The following DRC1 variants were observed in gnomAD, a reference collection of about 807,000 sequenced individuals.
The protein encoded by DRC1 is dynein regulatory complex subunit 1.
In DRC1, 74 loss-of-function variants were observed where a neutral mutation model predicts 98.7. The observed-to-expected ratio is 0.75, with a 90% CI of 0.62 to 0.91. The LOEUF (loss-of-function observed/expected upper bound fraction) is 0.91, where lower values mean the gene tolerates loss of function less well. Among genes scored for constraint, DRC1 ranks in the 40% least tolerant of loss-of-function variants. The pLI, the probability that DRC1 is intolerant of heterozygous loss-of-function variation, is 0.00. For synonymous variants in DRC1, 336 were observed against 334.1 expected (o/e 1.01, Z -0.06); for missense variants, 875 against 886.0 (o/e 0.99, Z 0.16).
intron 8 of DRC1, among the ~76,000 whole-genome samples, chr2:26,442,991 G>T (rs1231932724): frequency 6.6e-6 from 1 of 152,158 alleles, no homozygotes; most frequent in Admixed American, 6.5e-5. Flanking sequence ...ACTTTGGAAT[G>T]ACTACTTATT....
intron 2 of DRC1, among the ~76,000 whole-genome samples, chr2:26,417,285 T>C (rs1476835975): frequency 6.6e-6 from 1 of 152,158 alleles, no homozygotes; most frequent in Non-Finnish European, 1.5e-5. Context: ...AGGTAAGTTC[T>C]CTAACTGTGT....
In DRC1 at chr2:26,448,773, G is replaced by A. The variant is rs1663926155; in HGVS notation, c.1479G>A (p.Lys493=). The change falls in exon 11 of 17, where the codon AAG becomes AAA. Residue 493 remains lysine, a synonymous_variant. Coordinates refer to ENST00000288710, the MANE Select transcript of DRC1 (RefSeq NM_145038.5). ...AGCAAATTTCTGAAAAAACTACCAA[G>A]AGGATCCTGATGCTCCTGTGTGACG... The part of the protein sequence containing the change: ...LPKQISEKTT[K]RILMLLCDES... The A allele has an allele frequency of 1.2e-6, 2 of 1,614,236 alleles. No individual in the cohort carries two copies. Among genetic ancestry groups the A allele is most frequent in the Non-Finnish European group, 1.7e-6 (2 of 1,180,050 alleles).
chr2:26,432,056 G>A, intron 7 of DRC1, 50 bp downstream of exon 7: 1 of 1,586,784 alleles, frequency 6.3e-7, no homozygotes, highest in Non-Finnish European at 8.6e-7. Flanking sequence ...AGCAGATGGT[G>A]AACACCTGTG....
chr2:26,448,732 T>C lies in DRC1; in HGVS notation c.1438T>C (p.Tyr480His). The C allele has an allele frequency of 6.2e-7, 1 of 1,614,248 alleles. No homozygotes were observed. Among genetic ancestry groups the C allele is most frequent in the South Asian group, 1.1e-5 (1 of 91,084 alleles). ...AGAGGCCGCCGCGGAACCAGAGTCC[T>C]ACCTGGATTTGCCGAAGCAAATTTC... ...AEEAAAEPESYLDLPKQISEK... is the reference protein window; with the variant it reads ...AEEAAAEPESHLDLPKQISEK... The change falls in exon 11 of 17, where the codon TAC (tyrosine) becomes CAC (histidine). Residue 480 changes from tyrosine to histidine, a missense_variant. By Grantham distance (83) the Tyr-to-His change is moderately conservative. Coordinates refer to ENST00000288710, the MANE Select transcript of DRC1 (RefSeq NM_145038.5).
intron 6 of DRC1, 131 bp downstream of exon 6, chr2:26,431,003 C>A: frequency 1.3e-6 from 1 of 799,816 alleles, no homozygotes; most frequent in Non-Finnish European, 1.9e-6. Context: ...CTTCTGTCAC[C>A]AGGTTGGAAT....
rs762670821 is a variant in DRC1 at position 26,417,327 on chromosome 2, CTTTTTT to C, written c.243+2907_243+2912del. On this transcript the variant is annotated intron_variant, in intron 2 of 16. Transcript: ENST00000288710. ...GGATTGTCTTGGCTACTTGGCTATTCTTTTTTTTTTTTTTTTCTTCCGAAACAGCCT... is the reference window on the plus strand; with the variant it reads ...GGATTGTCTTGGCTACTTGGCTATTCTTTTTTTTTTCTTCCGAAACAGCCT... Among the ~76,000 whole-genome samples, 3 of 140,826 alleles carry C rather than the reference CTTTTTT, an allele frequency of 2.1e-5. No homozygotes were observed. The East Asian group carries it at 6.1e-4, about 29-fold the overall frequency. The allele number at this position is 140,826 out of a possible 152,430, so 92.4% of individuals were successfully genotyped here.
chr2:26,410,039 A>G (rs1454244528), intron 1 of DRC1, among the ~76,000 whole-genome samples: 2 of 151,884 alleles, frequency 1.3e-5, no homozygotes, highest in African/African-American at 2.4e-5. Context: ...GGGAAAAAAA[A>G]GATCCTCAAA....
At position 26,450,088 on chromosome 2, in the gene DRC1, G is replaced by T. The variant is rs770840246; in HGVS notation, c.1599+3G>T. 8 of 1,611,392 alleles carry T rather than the reference G, an allele frequency of 5.0e-6. No homozygotes were observed. Among genetic ancestry groups the T allele is most frequent in the Non-Finnish European group, 6.8e-6 (8 of 1,179,046 alleles). The stretch of plus-strand genomic sequence containing the variant: ...TGAGGCTGGATGCCATCTTCTCCGT[G>T]AGTCCAACGGGGCTGGGAGGACACG... On this transcript the variant is annotated splice_donor_region_variant and intron_variant, in intron 12 of 16. Coordinates refer to ENST00000288710, the MANE Select transcript of DRC1 (RefSeq NM_145038.5).
chr2:26,432,070 G>A (rs899107735), intron 7 of DRC1, 64 bp downstream of exon 7: 28 of 1,562,602 alleles, frequency 1.8e-5, no homozygotes, highest in Middle Eastern at 1.9e-4. Flanking sequence ...ACCTGTGAAT[G>A]TTTCATATTT....
chr2:26,432,120 A>G, intron 7 of DRC1, 114 bp downstream of exon 7: 1 of 1,409,220 alleles, frequency 7.1e-7, no homozygotes, highest in Non-Finnish European at 9.4e-7. Context: ...TCCCTTCAGC[A>G]CGTATTTATT....
intron 8 of DRC1, among the ~76,000 whole-genome samples, chr2:26,443,282 T>C (rs1663763144): frequency 6.6e-6 from 1 of 152,216 alleles, no homozygotes; most frequent in Non-Finnish European, 1.5e-5. Flanking sequence ...ACCTCTGTAG[T>C]AGTTTGAAGT....
chr2:26,440,344 T>G (rs1162277705), intron 7 of DRC1, 34 bp from the exon 8 acceptor site: 1 of 1,411,078 alleles, frequency 7.1e-7, no homozygotes, highest in South Asian at 1.3e-5. Context: ...TGTGTGTGTG[T>G]GTATATATAT....
intron 7 of DRC1, 74 bp from the exon 8 acceptor site, chr2:26,440,304 G>A (rs1283867360): frequency 1.4e-6 from 2 of 1,408,152 alleles, no homozygotes; most frequent in Middle Eastern, 2.1e-4. Context: ...GGATGCAGGT[G>A]TAGAGTTAGT....
At chr2:26,455,842 GAA>G (rs1283974700) in intron 16 of DRC1, among the ~76,000 whole-genome samples, 1 of 152,244 alleles carries the variant, frequency 6.6e-6, no homozygotes, top group African/African-American at 2.4e-5. Flanking sequence ...GAGGAGGAAG[GAA>G]AAAGTCCATT....
At position 26,454,657 on chromosome 2, in the gene DRC1, G is replaced by T. The variant is rs2148007660; in HGVS notation, c.1930G>T (p.Ala644Ser). 1 of 1,614,086 alleles carries T rather than the reference G, an allele frequency of 6.2e-7. No individual in the cohort carries two copies. Among genetic ancestry groups the T allele is most frequent in the South Asian group, 1.1e-5 (1 of 91,078 alleles). ...MGLKKPRDSR[A>S]PLRVQKNVRD... is the part of the protein sequence containing the mutation. ...GCTCTTGGCCTTCAGGGACTCGCGGGCCCCGCTGAGGGTACAGAAGAATGT... is the reference window on the plus strand; with the variant it reads ...GCTCTTGGCCTTCAGGGACTCGCGGTCCCCGCTGAGGGTACAGAAGAATGT... The change falls in exon 15 of 17, where the codon GCC becomes TCC. Residue 644 changes from alanine (A) to serine (S), a missense_variant. By Grantham distance (99) the Ala-to-Ser change is moderately conservative. Coordinates refer to ENST00000288710, the MANE Select transcript of DRC1 (RefSeq NM_145038.5). This position sits in a 1 kb window ranked among gnomAD's most constrained non-coding sequence, Gnocchi z 5.2.
chr2:26,424,200 G>C (rs935062174), intron 3 of DRC1, 71 bp from the exon 4 acceptor site: 9 of 1,571,770 alleles, frequency 5.7e-6, no homozygotes, highest in Non-Finnish European at 7.8e-6. Flanking sequence ...AGATTCTAGA[G>C]AACGTACCTG....
chr2:26,430,334 C>CCT (rs528448867), intron 5 of DRC1, among the ~76,000 whole-genome samples: 3 of 150,814 alleles, frequency 2.0e-5, no homozygotes, highest in Non-Finnish European at 4.4e-5. Flanking sequence ...AAGGTGGAGG[C>CCT]CTCTCTCTCT....
chr2:26,411,252 G>A (rs943237831), intron 1 of DRC1, among the ~76,000 whole-genome samples: 7 of 152,182 alleles, frequency 4.6e-5, no homozygotes, highest in Non-Finnish European at 1.0e-4. Flanking sequence ...GTCATTTCAA[G>A]TTTTCTAGTA....
intron 10 of DRC1, 120 bp downstream of exon 10, chr2:26,445,068 G>A (rs1297943523): frequency 1.3e-5 from 14 of 1,064,864 alleles, no homozygotes; most frequent in Admixed American, 2.8e-5. Flanking sequence ...TATTGGTATC[G>A]CTTTTAAGTC....
Sources: gnomAD v4.1 joint callset for allele counts (sites outside exome capture counted in the v4.1 genomes callset) on GRCh38, gnomAD v4.1.1 for gene constraint, Gnocchi (gnomAD v3.1) non-coding constraint, MANE v1.5 for transcripts, NCBI Gene and HGNC (gene_info 2026-07-23, HGNC 2026-07-21) for gene names.